PDE10A: variants seen among roughly 807,000 people sequenced by gnomAD.
PDE10A encodes the protein phosphodiesterase 10A.
In PDE10A, 39 loss-of-function variants were observed where a neutral mutation model predicts 97.7. The observed-to-expected ratio is 0.40, with a 90% CI of 0.31 to 0.52. The LOEUF is 0.52. Ranked by LOEUF, PDE10A falls within the 20% of genes least tolerant of loss-of-function variation. The pLI is 0.56. For synonymous variants in PDE10A, 371 were observed against 376.8 expected (o/e 0.98, Z 0.18); for missense variants, 731 against 1,047.8 (o/e 0.70, Z 4.17).
At chr6:165,895,037 C>T (rs1255881300) in intron 1 of PDE10A, among the ~76,000 whole-genome samples, 2 of 152,212 alleles carry the variant, frequency 1.3e-5, no homozygotes, top group East Asian at 3.9e-4. Flanking sequence ...GCCTAAGGAA[C>T]ACAGTCTGAG....
chr6:165,826,630 G>A (rs1779762483), intron 1 of PDE10A, among the ~76,000 whole-genome samples: 1 of 152,044 alleles, frequency 6.6e-6, no homozygotes, highest in South Asian at 2.1e-4. Context: ...AACCATAGGG[G>A]TGGTGCGGGG....
At chr6:165,969,632 A>C (rs1403199302) in intron 1 of PDE10A, among the ~76,000 whole-genome samples, 1 of 152,102 alleles carries the variant, frequency 6.6e-6, no homozygotes, top group African/African-American at 2.4e-5. Context: ...AATAGATTAA[A>C]TACAGAAAAA....
Position 165,695,889 on chromosome 6 carries a change from A to G in PDE10A, c.-614-152321T>C, listed in dbSNP as rs558372941. Reference sequence around the variant, plus strand: ...GTTCCTTCCAAGGAGCCAGAATTTGATGTTTGTAATGCAATTTATGCTCCA... The same window carrying G: ...GTTCCTTCCAAGGAGCCAGAATTTGGTGTTTGTAATGCAATTTATGCTCCA... On this transcript the variant is annotated intron_variant, in intron 1 of 19. Coordinates refer to the PDE10A transcript ENST00000366882. Among the ~76,000 whole-genome samples the G allele has an allele frequency of 9.8e-5, 15 of 152,288 alleles. No homozygotes were observed. In the South Asian group the frequency reaches 1.0e-3, roughly 11 times the overall value.
chr6:165,617,288 G>A (rs1163165389), intron 1 of PDE10A, among the ~76,000 whole-genome samples: 1 of 152,098 alleles, frequency 6.6e-6, no homozygotes, highest in Non-Finnish European at 1.5e-5. Context: ...TCAGAAAGAG[G>A]GACCGCTTTA....
chr6:165,395,357 T>C (rs1786081421), intron 14 of PDE10A, 93 bp from the exon 15 acceptor site: 1 of 819,444 alleles, frequency 1.2e-6, no homozygotes, highest in African/African-American at 1.7e-5. Flanking sequence ...ACCAAGGAGC[T>C]AAAAAGACAC....
intron 1 of PDE10A, among the ~76,000 whole-genome samples, chr6:165,645,280 T>C (rs1421471475): frequency 6.6e-6 from 1 of 152,174 alleles, no homozygotes; most frequent in Non-Finnish European, 1.5e-5. Flanking sequence ...GTAACTCGCC[T>C]TTTACTGGCT....
At chr6:165,612,872 TTAAC>T (rs1164728675) in intron 1 of PDE10A, among the ~76,000 whole-genome samples, 51 of 152,318 alleles carry the variant, frequency 3.3e-4, no homozygotes, top group African/African-American at 1.1e-3. Flanking sequence ...TCTTACTGTT[TTAAC>T]TAATAGGGCA....
intron 1 of PDE10A, among the ~76,000 whole-genome samples, chr6:165,727,832 G>A (rs1470197548): frequency 4.6e-5 from 7 of 152,134 alleles, no homozygotes; most frequent in Non-Finnish European, 8.8e-5. Context: ...ACTTTGTCTC[G>A]CTGCTTTTCA....
intron 13 of PDE10A, among the ~76,000 whole-genome samples, chr6:165,406,177 T>C (rs1005248882): frequency 1.3e-5 from 2 of 151,842 alleles, no homozygotes; most frequent in African/African-American, 4.8e-5. Flanking sequence ...AGTTTAAGAA[T>C]TGTTATTCAT....
intron 1 of PDE10A, among the ~76,000 whole-genome samples, chr6:165,691,599 A>G (rs1016254577): frequency 2.1e-4 from 31 of 149,014 alleles, no homozygotes; most frequent in African/African-American, 6.8e-4. Flanking sequence ...GCGCACACAC[A>G]CACACACACA....
chr6:165,546,992 T>C (rs1783773716), intron 1 of PDE10A, among the ~76,000 whole-genome samples: 1 of 151,952 alleles, frequency 6.6e-6, no homozygotes, highest in South Asian at 2.1e-4. Flanking sequence ...CAGTGTACAA[T>C]AAAAGGAACC....
chr6:165,396,416 G>A lies in PDE10A; in HGVS notation c.2120C>T (p.Thr707Met). The change falls in exon 14 of 22, where the codon ACG becomes ATG. Residue 707 changes from threonine to methionine, a missense_variant. Transcript: ENST00000539869. ...GCTATGGTAGGACAGCTTTTCCATCGTTACCCGGTAAATGCACTCTGAGTG... is the reference window on the plus strand; with the variant it reads ...GCTATGGTAGGACAGCTTTTCCATCATTACCCGGTAAATGCACTCTGAGTG... ...IRHSECIYRV[T>M]MEKLSYHSIC... 2 of 1,612,524 alleles carry A rather than the reference G, an allele frequency of 1.2e-6. No individual in the cohort carries two copies. The highest frequency in any genetic ancestry group is 1.7e-6 in the Non-Finnish European group (2 of 1,179,164).
intron 1 of PDE10A, among the ~76,000 whole-genome samples, chr6:165,555,766 C>T (rs1234022044): frequency 6.6e-6 from 1 of 152,098 alleles, no homozygotes; most frequent in African/African-American, 2.4e-5. Context: ...CTCAAAGATA[C>T]CAAGACAGTC....
intron 2 of PDE10A, among the ~76,000 whole-genome samples, chr6:165,496,134 C>G (rs1332719529): frequency 6.6e-6 from 1 of 151,868 alleles, no homozygotes; most frequent in South Asian, 2.1e-4. Flanking sequence ...AAACTCCAAG[C>G]AGAGGGATCA....
intron 1 of PDE10A, among the ~76,000 whole-genome samples, chr6:165,924,885 G>T (rs1425614984): frequency 6.6e-6 from 1 of 152,130 alleles, no homozygotes; most frequent in Non-Finnish European, 1.5e-5. Flanking sequence ...GGACACCAAA[G>T]GCATGAGTCA....
chr6:165,797,002 A>G (rs1389536930), intron 1 of PDE10A, among the ~76,000 whole-genome samples: 3 of 152,216 alleles, frequency 2.0e-5, no homozygotes, highest in African/African-American at 7.2e-5. Context: ...CCTATACTTG[A>G]TCCACACTGG....
At chr6:165,939,417 T>C (rs768873553) in intron 1 of PDE10A, 1 of 152,222 alleles carries the variant, frequency 6.6e-6, no homozygotes, top group Non-Finnish European at 1.5e-5. Flanking sequence ...TAAATACAAT[T>C]TTATAAAGGA....
At chr6:165,653,055 G>A (rs1789761959) in intron 1 of PDE10A, among the ~76,000 whole-genome samples, 1 of 152,160 alleles carries the variant, frequency 6.6e-6, no homozygotes, top group Non-Finnish European at 1.5e-5. Flanking sequence ...TGGATTACAT[G>A]AAAATATTAT....
At chr6:165,466,803 TGAAA>T (rs932240701) in intron 3 of PDE10A, among the ~76,000 whole-genome samples, 7 of 151,998 alleles carry the variant, frequency 4.6e-5, no homozygotes, top group South Asian at 2.1e-4. Flanking sequence ...AGTGTTCAAG[TGAAA>T]GAAAGAGTCA....
Sources: gnomAD v4.1 joint callset for allele counts (sites outside exome capture counted in the v4.1 genomes callset) on GRCh38, gnomAD v4.1.1 for gene constraint, MANE v1.5 for transcripts, NCBI Gene and HGNC (gene_info 2026-07-23, HGNC 2026-07-21) for gene names.